Variants in CNGB3 observed in about 807,000 individuals in gnomAD.
CNGB3 encodes the protein cyclic nucleotide gated channel subunit beta 3, also known as cyclic nucleotide-gated channel beta-3.
CNGB3 carries 86 observed loss-of-function variants against 92.8 expected under a neutral mutation model. That is an observed-to-expected ratio of 0.93 (90% confidence interval 0.78 to 1.11). The LOEUF is 1.11. CNGB3 is among the 50% of genes least tolerant of loss of function. The pLI is 0.00. For missense variants in CNGB3, 1,026 were observed against 956.8 expected (o/e 1.07, Z -0.95); for synonymous variants, 333 against 332.7 (o/e 1.00, Z -0.01).
chr8:86,710,775 A>G (rs1824736291), intron 3 of CNGB3, among the ~76,000 whole-genome samples: 1 of 152,216 alleles, frequency 6.6e-6, no homozygotes, highest in Non-Finnish European at 1.5e-5. Context: ...CACTTATGAA[A>G]ATAAGCTGGA....
chr8:86,604,067 A>G (rs752125383), intron 15 of CNGB3, 26 bp downstream of exon 15: 25 of 1,400,442 alleles, frequency 1.8e-5, no homozygotes, highest in East Asian at 4.6e-5. Flanking sequence ...ATGGACTTCA[A>G]TATTTATGAA....
intron 15 of CNGB3, among the ~76,000 whole-genome samples, chr8:86,602,725 T>C (rs939182723): frequency 6.6e-6 from 1 of 152,206 alleles, no homozygotes. Context: ...GCCACCACAG[T>C]TGACTTCTAA....
At chr8:86,590,353 G>T (rs200046862) in intron 15 of CNGB3, among the ~76,000 whole-genome samples, 10 of 152,084 alleles carry the variant, frequency 6.6e-5, no homozygotes, top group South Asian at 2.1e-4. Flanking sequence ...AAAGTTAATA[G>T]TGTTATGTGT....
chr8:86,725,941 T>C lies in CNGB3; in HGVS notation c.338+590A>G, dbSNP rs556417890. Among the ~76,000 whole-genome samples, 18 of 152,208 alleles carry C rather than the reference T, an allele frequency of 1.2e-4. No homozygotes were observed. In the South Asian group the frequency reaches 3.5e-3, roughly 30 times the overall value. On this transcript the variant is annotated intron_variant, in intron 3 of 17. Coordinates refer to ENST00000320005, the MANE Select transcript of CNGB3 (RefSeq NM_019098.5). ...AGAGGCAAAATGAAGGACCTCCTTG[T>C]TGGGATTTATTGCAGATTTACTGGT...
At chr8:86,625,915 G>T (rs561031192) in intron 13 of CNGB3, 68 bp downstream of exon 13, 2 of 1,284,524 alleles carry the variant, frequency 1.6e-6, no homozygotes, top group South Asian at 2.4e-5. Flanking sequence ...CATAAATGCT[G>T]TATAAATCAA....
intron 10 of CNGB3, 152 bp downstream of exon 10, chr8:86,643,599 A>G: frequency 2.6e-6 from 2 of 771,308 alleles, no homozygotes; most frequent in South Asian, 3.3e-5. Flanking sequence ...GGTGCAAATG[A>G]CATGATTTTA....
At chr8:86,597,024 CG>C (rs943305480) in intron 15 of CNGB3, among the ~76,000 whole-genome samples, 23 of 94,648 alleles carry the variant, frequency 2.4e-4, no homozygotes, top group African/African-American at 8.6e-4. Context: ...TGGGGCCTGT[CG>C]GGGGTGGGGG....
At chr8:86,600,642 C>T (rs1822276140) in intron 15 of CNGB3, among the ~76,000 whole-genome samples, 1 of 149,840 alleles carries the variant, frequency 6.7e-6, no homozygotes. Context: ...CAGAGTCTCG[C>T]CCTGTCACCC....
chr8:86,653,508 C>A lies in CNGB3; in HGVS notation c.903+504G>T, dbSNP rs114493675. Among the ~76,000 whole-genome samples, 439 of 152,108 alleles carry A rather than the reference C, an allele frequency of 2.9e-3. 1 individual carries two copies. Among genetic ancestry groups the A allele is most frequent in the African/African-American group, 0.01 (415 of 41,500 alleles). On this transcript the variant is annotated intron_variant, in intron 7 of 17. Coordinates refer to ENST00000320005, the MANE Select transcript of CNGB3 (RefSeq NM_019098.5). Reference sequence around the variant, plus strand: ...AACCTAAATAACCCCTGACCTCTGCCTATTTCTCAGAGAACAAAGTACTTA... The same window carrying A: ...AACCTAAATAACCCCTGACCTCTGCATATTTCTCAGAGAACAAAGTACTTA...
At chr8:86,600,053 A>G (rs1435430990) in intron 15 of CNGB3, among the ~76,000 whole-genome samples, 1 of 151,968 alleles carries the variant, frequency 6.6e-6, no homozygotes, top group East Asian at 1.9e-4. Context: ...TCTCTCTTGT[A>G]CTCTGTTCCT....
intron 6 of CNGB3, chr8:86,658,282 C>T (rs1823559258): frequency 3.9e-6 from 2 of 516,378 alleles, no homozygotes; most frequent in Admixed American, 5.5e-5. Context: ...AAAAATGCCA[C>T]CATGGCCTCC....
In CNGB3 at chr8:86,692,638, T is replaced by C. The variant is rs138342460; in HGVS notation, c.339-21540A>G. ...GAGTCCTTTGTGTTAGATGAGTCTCTTGAAGACAGCAGACACTTGGTTGGT... is the reference window on the plus strand; with the variant it reads ...GAGTCCTTTGTGTTAGATGAGTCTCCTGAAGACAGCAGACACTTGGTTGGT... On this transcript the variant is annotated intron_variant, in intron 3 of 17. Transcript: ENST00000320005. 5.7e-3 allele frequency among the ~76,000 whole-genome samples: 875 copies of C among 152,324 alleles called. 3 individuals are homozygous for C. The highest frequency in any genetic ancestry group is 0.014 in the Middle Eastern group (4 of 294).
chr8:86,604,650 T>A (rs1337913621), intron 14 of CNGB3, among the ~76,000 whole-genome samples: 2 of 152,192 alleles, frequency 1.3e-5, no homozygotes, highest in Non-Finnish European at 2.9e-5. Flanking sequence ...CATTGAGGTC[T>A]GATTTGGGGA....
chr8:86,680,590 T>C (rs543283113), intron 3 of CNGB3, among the ~76,000 whole-genome samples: 188 of 152,250 alleles, frequency 1.2e-3, no homozygotes, highest in Non-Finnish European at 2.1e-3. Flanking sequence ...CATTTTCCTC[T>C]AGGTGGTGAG....
rs561652873 is a variant in CNGB3, at chr8:86,673,705, T to C, written c.339-2607A>G. ...GAAATCAAGAATGACTAAGTTTCTA[T>C]TACAAGAGACTAGACTCATGAAGAT... On this transcript the variant is annotated intron_variant, in intron 3 of 17. Coordinates refer to ENST00000320005, the MANE Select transcript of CNGB3 (RefSeq NM_019098.5). Among the ~76,000 whole-genome samples the C allele has an allele frequency of 1.1e-4, 16 of 152,314 alleles. No individual in the cohort carries two copies. In the South Asian group the frequency reaches 1.2e-3, roughly 12 times the overall value.
intron 3 of CNGB3, among the ~76,000 whole-genome samples, chr8:86,721,633 A>G (rs1398450172): frequency 2.6e-5 from 4 of 152,188 alleles, no homozygotes; most frequent in African/African-American, 9.6e-5. Context: ...TGCTTACCAT[A>G]GAGGAAAATT....
intron 15 of CNGB3, chr8:86,593,698 G>A (rs1331597901): frequency 2.7e-6 from 2 of 754,176 alleles, no homozygotes; most frequent in South Asian, 1.5e-5. Context: ...CACTAGGCAC[G>A]CTGAGGGCCA....
At chr8:86,577,943 T>C (rs1821689147) in intron 17 of CNGB3, among the ~76,000 whole-genome samples, 1 of 152,168 alleles carries the variant, frequency 6.6e-6, no homozygotes, top group African/African-American at 2.4e-5. Flanking sequence ...AGAGTATTGC[T>C]CTGTCGCCCA....
intron 4 of CNGB3, among the ~76,000 whole-genome samples, chr8:86,670,739 G>A (rs2131618672): frequency 6.6e-6 from 1 of 152,230 alleles, no homozygotes; most frequent in South Asian, 2.1e-4. Flanking sequence ...CACCCCGCCA[G>A]TAATCCTCTT....
Sources: allele counts gnomAD v4.1 joint callset (sites outside exome capture counted in the v4.1 genomes callset), GRCh38; gene constraint gnomAD v4.1.1; transcripts MANE v1.5; gene names NCBI Gene and HGNC (gene_info 2026-07-23, HGNC 2026-07-21).